Variants in INTS14 observed in about 807,000 individuals in gnomAD.
INTS14 encodes the protein integrator complex subunit 14.
INTS14 carries 27 observed loss-of-function variants against 56.9 expected under a neutral mutation model. That is an observed-to-expected ratio of 0.47 (90% CI 0.35 to 0.65). The LOEUF is 0.65. Among genes scored for constraint, INTS14 ranks in the 30% least tolerant of loss-of-function variants. The pLI is 0.00. For synonymous variants in INTS14, 207 were observed against 236.2 expected, an observed-to-expected ratio of 0.88 and a Z score of 1.13; for missense variants, 517 against 632.2, an observed-to-expected ratio of 0.82 and a Z score of 1.95.
chr15:65,602,083 G>A (rs58406339), intron 3 of INTS14, among the ~76,000 whole-genome samples: 9,447 of 151,862 alleles, frequency 0.062, 303 homozygotes, highest in African/African-American at 0.089. Context: ...GTGTGGTAGT[G>A]CACTTCTGTA....
chr15:65,597,504 GC>G (rs1262240671), intron 6 of INTS14, among the ~76,000 whole-genome samples: 1 of 152,156 alleles, frequency 6.6e-6, no homozygotes, highest in Non-Finnish European at 1.5e-5. Flanking sequence ...TCTTCACTTT[GC>G]CAGTCTCAGT....
chr15:65,595,859 T>G, intron 6 of INTS14, 34 bp from the exon 7 acceptor site: 1 of 1,507,854 alleles, frequency 6.6e-7, no homozygotes, highest in African/African-American at 1.4e-5. Context: ...AATTAATTCA[T>G]TCTATGGAAA....
chr15:65,581,751 C>A (rs975404243), intron 11 of INTS14, among the ~76,000 whole-genome samples: 3 of 151,954 alleles, frequency 2.0e-5, no homozygotes, highest in Non-Finnish European at 4.4e-5. Context: ...AAACCTTCTG[C>A]CTGTACAGAA....
chr15:65,601,501 C>G (rs1485030254), intron 3 of INTS14, among the ~76,000 whole-genome samples: 1 of 152,176 alleles, frequency 6.6e-6, no homozygotes, highest in African/African-American at 2.4e-5. Flanking sequence ...TGCCATAAAG[C>G]CCACCTAATT....
At chr15:65,610,623 A>G in intron 1 of INTS14, 1 of 1,497,534 alleles carries the variant, frequency 6.7e-7, no homozygotes. Flanking sequence ...TCATTCATAA[A>G]GAACTGATTC....
Position 65,598,396 on chromosome 15 carries a change from C to T in INTS14, c.673G>A (p.Val225Ile), listed in dbSNP as rs755972081. 4 of 1,614,100 alleles carry T rather than the reference C, an allele frequency of 2.5e-6. No homozygotes were observed. The South Asian group carries it at 3.3e-5, about 13-fold the overall frequency. ...VLKCGHLTAD[V>I]QVFPRPEPFV... Reference sequence around the variant, plus strand: ...GGTTCTGGCCTGGGGAAGACTTGTACATCAGCAGTTAGGTGGCCACACTTG... The same window carrying T: ...GGTTCTGGCCTGGGGAAGACTTGTATATCAGCAGTTAGGTGGCCACACTTG... The change falls in exon 6 of 12, where the codon GTA (valine) becomes ATA (isoleucine). Residue 225 changes from valine to isoleucine, a missense_variant. Transcript: ENST00000313182.
In INTS14 at chr15:65,593,713, TTCCAG is replaced by T. The variant is rs2073112588; in HGVS notation, c.842-146_842-142del. ...TATTATAACAAGCAGGAAAAACTCA[TTCCAG>T]TTTTCCAATATCTACATAAAAGTCA... On this transcript the variant is annotated intron_variant, in intron 7 of 11. Transcript: ENST00000313182. 4 of 984,206 alleles carry T rather than the reference TTCCAG, an allele frequency of 4.1e-6. 1 individual carries two copies. Among genetic ancestry groups the T allele is most frequent in the Non-Finnish European group, 5.5e-6 (4 of 727,650 alleles). The allele number at this position is 984,206 out of a possible 1,614,324, so 61.0% of individuals were successfully genotyped here. A position where few individuals can be genotyped will look rare whatever the true frequency, so the allele number is the denominator to read the frequency against.
chr15:65,602,417 T>C (rs2073471491), intron 3 of INTS14, among the ~76,000 whole-genome samples: 2 of 151,552 alleles, frequency 1.3e-5, no homozygotes, highest in Admixed American at 6.6e-5. Context: ...CCCAGGTAGC[T>C]AGGATTACAG....
chr15:65,599,050 G>T, intron 4 of INTS14, 60 bp from the exon 5 acceptor site: 1 of 1,239,544 alleles, frequency 8.1e-7, no homozygotes, highest in Non-Finnish European at 1.2e-6. Context: ...ATTATTCTCA[G>T]CTCACCAAGG....
Position 65,579,258 on chromosome 15 carries a change from T to C in INTS14, c.*150A>G, listed in dbSNP as rs1475536201. 2 of 1,073,978 alleles carry C rather than the reference T, an allele frequency of 1.9e-6. No homozygotes were observed. The highest frequency in any genetic ancestry group is 2.7e-6 in the Non-Finnish European group (2 of 752,120). 66.5% of individuals were successfully genotyped at this position (1,073,978 alleles called of 1,614,324 possible). A position where few individuals can be genotyped will look rare whatever the true frequency, so the allele number is the denominator to read the frequency against. Reference sequence around the variant, plus strand: ...CACCTTCACATCCTTCTCATACTAGTAGAGTCATTCAAAACAGCAAGTGGT... The same window carrying C: ...CACCTTCACATCCTTCTCATACTAGCAGAGTCATTCAAAACAGCAAGTGGT... On this transcript the variant is annotated 3_prime_UTR_variant, in exon 12 of 12. Transcript: ENST00000313182.
At chr15:65,606,840 TTAAG>T (rs1215179990) in intron 2 of INTS14, among the ~76,000 whole-genome samples, 2 of 152,060 alleles carry the variant, frequency 1.3e-5, no homozygotes, top group African/African-American at 4.8e-5. Flanking sequence ...TAGAAAAAAA[TTAAG>T]TGTTGAGCCT....
At chr15:65,598,200 C>A (rs2073282607) in intron 6 of INTS14, 121 bp downstream of exon 6, 1 of 1,011,382 alleles carries the variant, frequency 9.9e-7, no homozygotes, top group Non-Finnish European at 1.4e-6. Flanking sequence ...GAATACTCAA[C>A]CTGTACCACA....
intron 9 of INTS14, among the ~76,000 whole-genome samples, chr15:65,591,202 A>T (rs936729290): frequency 5.9e-5 from 9 of 152,220 alleles, no homozygotes; most frequent in African/African-American, 2.2e-4. Flanking sequence ...TCCGCCAAAG[A>T]AAAAGTCAAA....
chr15:65,588,438 G>A (rs1213287994), intron 9 of INTS14, among the ~76,000 whole-genome samples: 2 of 152,084 alleles, frequency 1.3e-5, no homozygotes, highest in Non-Finnish European at 2.9e-5. Flanking sequence ...GCCGAGGCAG[G>A]AGGATTACTT....
At chr15:65,597,678 A>G (rs986614074) in intron 6 of INTS14, among the ~76,000 whole-genome samples, 1 of 152,228 alleles carries the variant, frequency 6.6e-6, no homozygotes, top group African/African-American at 2.4e-5. Context: ...AACTAGAGGA[A>G]GACTTCCCAG....
At chr15:65,580,159 G>A (rs894334229) in intron 11 of INTS14, among the ~76,000 whole-genome samples, 2 of 152,286 alleles carry the variant, frequency 1.3e-5, no homozygotes, top group Middle Eastern at 3.4e-3. Context: ...ACTGATAGAA[G>A]CAGAGAAATA....
chr15:65,595,473 C>A (rs2073179181), intron 7 of INTS14, among the ~76,000 whole-genome samples: 1 of 152,222 alleles, frequency 6.6e-6, no homozygotes, highest in African/African-American at 2.4e-5. Flanking sequence ...GGATGAGGGA[C>A]TAAGCATTCT....
intron 6 of INTS14, among the ~76,000 whole-genome samples, chr15:65,597,101 C>G (rs1488774771): frequency 6.6e-6 from 1 of 152,146 alleles, no homozygotes; most frequent in African/African-American, 2.4e-5. Flanking sequence ...GAAGTGGAAT[C>G]TAACTGTTAT....
Position 65,611,123 on chromosome 15 carries a change from C to A in INTS14, c.-88G>T, listed in dbSNP as rs886335386. 6 of 1,534,782 alleles carry A rather than the reference C, an allele frequency of 3.9e-6. No individual in the cohort carries two copies. The African/African-American group carries it at 5.5e-5, about 14-fold the overall frequency. On this transcript the variant is annotated 5_prime_UTR_variant, in exon 1 of 12. Transcript: ENST00000313182. The stretch of plus-strand genomic sequence containing the variant: ...CCCGTGCCCATCGCCGGACACAGTC[C>A]GTCGGCATAAACTTTCCGTCGGCAT...
Sources: gnomAD v4.1 joint callset for allele counts (sites outside exome capture counted in the v4.1 genomes callset) on GRCh38, gnomAD v4.1.1 for gene constraint, MANE v1.5 for transcripts, NCBI Gene and HGNC (gene_info 2026-07-23, HGNC 2026-07-21) for gene names.